The following CEP57L1 variants were observed in gnomAD, a reference collection of about 807,000 sequenced individuals.
The protein encoded by CEP57L1 is centrosomal protein 57 like 1.
Under a neutral mutation model 61.0 loss-of-function variants are expected in CEP57L1, and 37 were observed. That is an observed-to-expected ratio of 0.61 (90% CI 0.47 to 0.80). The LOEUF is 0.80. CEP57L1 is among the 30% of genes least tolerant of loss of function. CEP57L1 has a pLI of 0.00. For synonymous variants in CEP57L1, 137 were observed against 162.3 expected, an observed-to-expected ratio of 0.84 and a Z score of 1.19; for missense variants, 422 against 524.7, an observed-to-expected ratio of 0.80 and a Z score of 1.91.
chr6:109,160,875 C>A, intron 10 of CEP57L1, 159 bp downstream of exon 10: 1 of 584,076 alleles, frequency 1.7e-6, no homozygotes, highest in Non-Finnish European at 2.7e-6. Context: ...AGCCATCTGT[C>A]CCATTGGAAT....
At chr6:109,113,048 C>T (rs1771854110) in intron 1 of CEP57L1, among the ~76,000 whole-genome samples, 1 of 152,072 alleles carries the variant, frequency 6.6e-6, no homozygotes, top group African/African-American at 2.4e-5. Flanking sequence ...GAACTGAGTT[C>T]AAGTCCTGAA....
rs558255990 is a variant in CEP57L1 at position 109,130,216 on chromosome 6, C to T, written c.-3-15003C>T. The stretch of plus-strand genomic sequence containing the variant: ...AACTGAAACTCTGTAACTCATTTCA[C>T]TCCCCCCCAGCAACCACCATTCTAC... On this transcript the variant is annotated intron_variant, in intron 1 of 10. Transcript: ENST00000517392. Among the ~76,000 whole-genome samples the T allele has an allele frequency of 7.9e-5, 12 of 152,262 alleles. No homozygotes were observed. The South Asian group carries it at 2.5e-3, about 32-fold the overall frequency.
intron 1 of CEP57L1, among the ~76,000 whole-genome samples, chr6:109,135,484 C>T (rs1046099629): frequency 2.0e-5 from 3 of 152,098 alleles, no homozygotes; most frequent in African/African-American, 7.2e-5. Context: ...TAGGCAATAC[C>T]ATTCAGGACA....
Position 109,155,783 on chromosome 6 carries a change from T to C in CEP57L1, c.658-8T>C. ...TCAATGTTATAACCTTTTTTTTAAA[T>C]ATTACAGCTTCAAACTGGACTTGAA... On this transcript the variant is annotated splice_polypyrimidine_tract_variant and splice_region_variant and intron_variant, in intron 6 of 10. Transcript: ENST00000517392. The C allele has an allele frequency of 7.1e-7, 1 of 1,418,242 alleles. No homozygotes were observed. Among genetic ancestry groups the C allele is most frequent in the Non-Finnish European group, 9.9e-7 (1 of 1,012,620 alleles). 87.9% of individuals were successfully genotyped at this position (1,418,242 alleles called of 1,614,324 possible).
chr6:109,146,881 A>G lies in CEP57L1; in HGVS notation c.284A>G (p.Glu95Gly), dbSNP rs1436166579. The change falls in exon 3 of 11, where the codon GAG becomes GGG. Residue 95 changes from glutamate to glycine, a missense_variant. By Grantham distance (98) the Glu-to-Gly change is moderately conservative (BLOSUM62 -2). Transcript: ENST00000517392. ...GCAGCACAGTATAAGAAGGCCTTAG[A>G]GAATGAAACAAATGAGAGAAATCTG... Reference protein sequence around the residue: ...REAAQYKKALENETNERNLAH... With the variant: ...REAAQYKKALGNETNERNLAH... The G allele has an allele frequency of 6.2e-7, 1 of 1,610,328 alleles. No homozygotes were observed. Among genetic ancestry groups the G allele is most frequent in the South Asian group, 1.1e-5 (1 of 90,454 alleles).
At chr6:109,136,715 A>AT (rs1282055840) in intron 1 of CEP57L1, among the ~76,000 whole-genome samples, 1 of 124,048 alleles carries the variant, frequency 8.1e-6, no homozygotes, top group Admixed American at 7.6e-5. Context: ...ATTTTATTTT[A>AT]TTTTATTTTA....
chr6:109,115,112 TAA>T (rs1208817522), intron 1 of CEP57L1, among the ~76,000 whole-genome samples: 2 of 152,210 alleles, frequency 1.3e-5, no homozygotes, highest in Non-Finnish European at 2.9e-5. Flanking sequence ...GTTGATTTTG[TAA>T]AAGTTATACA....
chr6:109,142,568 TTTTG>T (rs1374575567), intron 1 of CEP57L1, among the ~76,000 whole-genome samples: 9 of 152,094 alleles, frequency 5.9e-5, no homozygotes, highest in Non-Finnish European at 8.8e-5. Flanking sequence ...GTATTCCATT[TTTTG>T]TTTGTTTGTT....
intron 7 of CEP57L1, chr6:109,157,019 G>T (rs991301514): frequency 2.0e-5 from 3 of 152,016 alleles, no homozygotes; most frequent in Admixed American, 2.0e-4. Context: ...ATGTTTTATG[G>T]CATCCTTTCT....
chr6:109,148,336 T>G (rs1772198131), intron 3 of CEP57L1, among the ~76,000 whole-genome samples: 1 of 152,080 alleles, frequency 6.6e-6, no homozygotes, highest in Non-Finnish European at 1.5e-5. Context: ...TTCTCATTGT[T>G]CAATTCCCAC....
intron 1 of CEP57L1, among the ~76,000 whole-genome samples, chr6:109,117,680 A>G (rs1431525747): frequency 6.6e-6 from 1 of 152,204 alleles, no homozygotes; most frequent in Non-Finnish European, 1.5e-5. Flanking sequence ...CAGTATTGGA[A>G]TTGAAATGGA....
intron 1 of CEP57L1, among the ~76,000 whole-genome samples, chr6:109,131,467 T>A (rs1166866823): frequency 2.0e-5 from 3 of 152,076 alleles, no homozygotes; most frequent in African/African-American, 7.2e-5. Context: ...CTTTTGAGAA[T>A]TGTAGCTGGA....
chr6:109,122,424 T>G (rs1773080404), intron 1 of CEP57L1, among the ~76,000 whole-genome samples: 3 of 152,150 alleles, frequency 2.0e-5, no homozygotes, highest in Admixed American at 6.5e-5. Context: ...GAGGCTCTTA[T>G]TTGGGGTATT....
At position 109,172,633 on chromosome 6, in the gene CEP57L1, T is replaced by C. The variant is rs1774456027; in HGVS notation, c.*9663T>C. Among the ~76,000 whole-genome samples, 1 of 152,218 alleles carries C rather than the reference T, an allele frequency of 6.6e-6. No individual in the cohort carries two copies. The highest frequency in any genetic ancestry group is 1.5e-5 in the Non-Finnish European group (1 of 68,032). On this transcript the variant is annotated 3_prime_UTR_variant, in exon 11 of 11. Transcript: ENST00000517392. Reference sequence around the variant, plus strand: ...AAAAGTGATGTGCATTGCTTACCTATCATGGCCTCTGGTTAAGGTGTCAGT... The same window carrying C: ...AAAAGTGATGTGCATTGCTTACCTACCATGGCCTCTGGTTAAGGTGTCAGT...
chr6:109,160,602 G>T lies in CEP57L1; in HGVS notation c.1047G>T (p.Lys349Asn), dbSNP rs763435000. The T allele has an allele frequency of 6.2e-7, 1 of 1,605,312 alleles. No individual in the cohort carries two copies. Among genetic ancestry groups the T allele is most frequent in the East Asian group, 2.2e-5 (1 of 44,484 alleles). Residue 349 changes from lysine (K) to asparagine (N), a missense_variant, in exon 10 of 11, where the codon AAG (lysine) becomes AAT (asparagine). Transcript: ENST00000517392. ...ACCAAGAACTACTGAAACAAATGAA[G>T]GAAACTGAAAGTCATTCAGTCTGTG... is the stretch of plus-strand genomic sequence containing the variant. ...MEHQELLKQM[K>N]ETESHSVCDD...
chr6:109,097,650 G>A (rs532392423), intron 1 of CEP57L1, among the ~76,000 whole-genome samples: 4 of 152,198 alleles, frequency 2.6e-5, no homozygotes, highest in African/African-American at 9.6e-5. Context: ...ATTCTACTGA[G>A]GAGAGATAAT....
At chr6:109,155,110 T>G in intron 5 of CEP57L1, 120 bp from the exon 6 acceptor site, 1 of 469,420 alleles carries the variant, frequency 2.1e-6, no homozygotes, top group Non-Finnish European at 3.9e-6. Flanking sequence ...TTTCTTATTT[T>G]CTGCCTTAAT....
chr6:109,136,561 T>TTA, intron 1 of CEP57L1, among the ~76,000 whole-genome samples: 1 of 138,170 alleles, frequency 7.2e-6, no homozygotes, highest in East Asian at 2.1e-4. Flanking sequence ...ACTATAAGTA[T>TTA]AAAAAAAAAA....
chr6:109,102,598 C>T (rs1770443083), intron 1 of CEP57L1, among the ~76,000 whole-genome samples: 1 of 151,882 alleles, frequency 6.6e-6, no homozygotes, highest in African/African-American at 2.4e-5. Flanking sequence ...TCCTGTCTTC[C>T]AGAACTTTTA....
Sources: gnomAD v4.1 joint callset for allele counts (sites outside exome capture counted in the v4.1 genomes callset) on GRCh38, gnomAD v4.1.1 for gene constraint, MANE v1.5 for transcripts, NCBI Gene and HGNC (gene_info 2026-07-23, HGNC 2026-07-21) for gene names.